Variants in RELN observed in about 807,000 individuals in gnomAD.
RELN encodes the protein reelin.
A neutral mutation model predicts 427.6 loss-of-function variants in RELN; 108 were observed. That is an observed-to-expected ratio of 0.25 (90% confidence interval 0.22 to 0.30). The LOEUF (loss-of-function observed/expected upper bound fraction) is 0.30. Ranked by LOEUF, RELN falls within the 10% of genes least tolerant of loss-of-function variation. The pLI, the probability that RELN is intolerant of heterozygous loss-of-function variation, is 1.00. For missense variants in RELN, 3,715 were observed against 4,302.8 expected (o/e 0.86, Z 3.82); for synonymous variants, 1,524 against 1,513.4 (o/e 1.01, Z -0.16).
intron 2 of RELN, among the ~76,000 whole-genome samples, chr7:103,903,971 A>G (rs1444539239): frequency 2.0e-5 from 3 of 152,032 alleles, no homozygotes; most frequent in Non-Finnish European, 2.9e-5. Context: ...CTCCACGTAC[A>G]TTAGCTATTT....
intron 22 of RELN, among the ~76,000 whole-genome samples, chr7:103,607,129 G>T (rs556217539): frequency 6.6e-6 from 1 of 150,638 alleles, no homozygotes; most frequent in Admixed American, 6.6e-5. Context: ...ACCATTAGGA[G>T]ATATACCTAA....
intron 60 of RELN, 137 bp from the exon 61 acceptor site, chr7:103,486,553 C>T (rs982152837): frequency 2.9e-6 from 1 of 346,286 alleles, no homozygotes; most frequent in Non-Finnish European, 5.0e-6. Flanking sequence ...AACAACTTTA[C>T]AAAAAAAAAA....
At chr7:103,962,359 C>G (rs1796574874) in intron 1 of RELN, among the ~76,000 whole-genome samples, 1 of 152,146 alleles carries the variant, frequency 6.6e-6, no homozygotes, top group South Asian at 2.1e-4. Context: ...TTGCTTCTTT[C>G]TCTTGTCACA....
chr7:103,934,490 T>C (rs1166224262), intron 1 of RELN, among the ~76,000 whole-genome samples: 2 of 152,126 alleles, frequency 1.3e-5, no homozygotes, highest in African/African-American at 4.8e-5. Flanking sequence ...CCCTTTCACT[T>C]CCAAATTTAG....
intron 19 of RELN, 125 bp downstream of exon 19, chr7:103,635,300 C>A: frequency 2.0e-6 from 2 of 1,006,024 alleles, no homozygotes; most frequent in Non-Finnish European, 3.0e-6. Flanking sequence ...CTGCAAGACA[C>A]ATCAATCTTT....
Position 103,986,629 on chromosome 7 carries a change from T to TTA in RELN, c.226+2501_226+2502insTA, listed in dbSNP as rs762426032. Among the ~76,000 whole-genome samples the TTA allele has an allele frequency of 2.9e-5, 3 of 102,334 alleles. No individual in the cohort carries two copies. The East Asian group carries it at 9.3e-4, about 32-fold the overall frequency. The allele number at this position is 102,334 out of a possible 152,430, so 67.1% of individuals were successfully genotyped here. Reference sequence around the variant, plus strand: ...CTCTATCTCAATGCATTCTTTTAGGTAAAAAAAAAAAAAAAAAAAAAAAGT... The same window carrying TTA: ...CTCTATCTCAATGCATTCTTTTAGGTTAAAAAAAAAAAAAAAAAAAAAAAAGT... On this transcript the variant is annotated intron_variant, in intron 1 of 64. Coordinates refer to ENST00000428762, the MANE Select transcript of RELN (RefSeq NM_005045.4).
chr7:103,552,793 C>T (rs1162295594), intron 40 of RELN, among the ~76,000 whole-genome samples: 3 of 151,964 alleles, frequency 2.0e-5, no homozygotes, highest in Admixed American at 1.3e-4. Flanking sequence ...AGCCACCACG[C>T]CTGGCTGATA....
At chr7:103,537,397 C>T (rs2117122568) in intron 45 of RELN, among the ~76,000 whole-genome samples, 1 of 152,320 alleles carries the variant, frequency 6.6e-6, no homozygotes, top group East Asian at 1.9e-4. Flanking sequence ...TGTCACCCCT[C>T]TGCACTTGTA....
In RELN at chr7:103,552,306, T is replaced by A. The variant is rs565440874; in HGVS notation, c.6073-1010A>T. Among the ~76,000 whole-genome samples the A allele has an allele frequency of 1.1e-4, 17 of 152,268 alleles. No homozygotes were observed. In the East Asian group the frequency reaches 3.3e-3, roughly 29 times the overall value. ...TGAACATTTTCTTACTATCATGCCATCAAAGCATAGGAACCACTTATTGAT... is the reference window on the plus strand; with the variant it reads ...TGAACATTTTCTTACTATCATGCCAACAAAGCATAGGAACCACTTATTGAT... On this transcript the variant is annotated intron_variant, in intron 40 of 64. Coordinates refer to ENST00000428762, the MANE Select transcript of RELN (RefSeq NM_005045.4).
At chr7:103,899,684 G>A (rs1289977118) in intron 2 of RELN, among the ~76,000 whole-genome samples, 1 of 152,066 alleles carries the variant, frequency 6.6e-6, no homozygotes, top group African/African-American at 2.4e-5. Context: ...CACATAAACA[G>A]AACCAACGAC....
intron 9 of RELN, among the ~76,000 whole-genome samples, chr7:103,700,264 C>T (rs925322936): frequency 2.6e-5 from 4 of 151,980 alleles, no homozygotes; most frequent in Non-Finnish European, 4.4e-5. Flanking sequence ...TTAAACTGTT[C>T]AGTAGTGGCA....
At position 103,472,362 on chromosome 7, in the gene RELN, A is replaced by G. The variant is rs1194477064; in HGVS notation, c.*450T>C. The G allele has an allele frequency of 1.4e-5, 3 of 210,876 alleles. No homozygotes were observed. Among genetic ancestry groups the G allele is most frequent in the Admixed American group, 5.3e-5 (1 of 18,964 alleles). 13.1% of individuals were successfully genotyped at this position (210,876 alleles called of 1,614,324 possible). A position where few individuals can be genotyped will look rare whatever the true frequency, so the allele number is the denominator to read the frequency against. On this transcript the variant is annotated 3_prime_UTR_variant, in exon 65 of 65. Coordinates refer to ENST00000428762, the MANE Select transcript of RELN (RefSeq NM_005045.4). ...TCAATGTGTTGTATTGTAGAAGAGA[A>G]TACATAAAGGACAAACAATGATAAT...
intron 2 of RELN, among the ~76,000 whole-genome samples, chr7:103,866,033 A>G (rs1794189469): frequency 6.6e-6 from 1 of 152,158 alleles, no homozygotes; most frequent in African/African-American, 2.4e-5. Flanking sequence ...GCAAAATGAG[A>G]TTATTACTAA....
chr7:103,915,676 G>A (rs978808500), intron 2 of RELN, among the ~76,000 whole-genome samples: 5 of 152,100 alleles, frequency 3.3e-5, no homozygotes, highest in Admixed American at 2.6e-4. Context: ...ACCCCCAGAG[G>A]TTTTAATTGG....
rs913697993 is a variant in RELN at position 103,635,422 on chromosome 7, T to C, written c.2465+3A>G. 3 of 1,613,670 alleles carry C rather than the reference T, an allele frequency of 1.9e-6. No individual in the cohort carries two copies. The highest frequency in any genetic ancestry group is 1.6e-4 in the Middle Eastern group (1 of 6,074). ...CCATTTTTCCAAATGCTTTCCAACATACCTGGGCTCATGATAGCTGAGATA... is the reference window on the plus strand; with the variant it reads ...CCATTTTTCCAAATGCTTTCCAACACACCTGGGCTCATGATAGCTGAGATA... On this transcript the variant is annotated splice_donor_region_variant and intron_variant, in intron 19 of 64. Coordinates refer to ENST00000428762, the MANE Select transcript of RELN (RefSeq NM_005045.4).
chr7:103,901,206 C>G (rs1795077560), intron 2 of RELN, among the ~76,000 whole-genome samples: 1 of 152,058 alleles, frequency 6.6e-6, no homozygotes, highest in Non-Finnish European at 1.5e-5. Context: ...CAATGAGATA[C>G]CACTTCATGT....
chr7:103,581,224 G>A (rs1426676131), intron 28 of RELN, among the ~76,000 whole-genome samples: 1 of 152,088 alleles, frequency 6.6e-6, no homozygotes, highest in Non-Finnish European at 1.5e-5. Context: ...TCAGAGGAGG[G>A]AGCCCTAGTA....
intron 45 of RELN, among the ~76,000 whole-genome samples, chr7:103,536,983 A>C (rs1352876829): frequency 6.6e-6 from 1 of 152,194 alleles, no homozygotes; most frequent in Non-Finnish European, 1.5e-5. Context: ...AAGTCCTTTC[A>C]CTTGAATTAA....
chr7:103,770,831 C>A (rs934444360), intron 4 of RELN, among the ~76,000 whole-genome samples: 10 of 151,716 alleles, frequency 6.6e-5, no homozygotes, highest in African/African-American at 2.4e-4. Flanking sequence ...GAGCATGAAG[C>A]TTTCCATGCT....
Sources: gnomAD v4.1 joint callset for allele counts (sites outside exome capture counted in the v4.1 genomes callset) on GRCh38, gnomAD v4.1.1 for gene constraint, MANE v1.5 for transcripts, NCBI Gene and HGNC (gene_info 2026-07-23, HGNC 2026-07-21) for gene names.